The following VRK1 variants were observed in gnomAD, a reference collection of about 807,000 sequenced individuals.
VRK1 encodes the protein VRK serine/threonine kinase 1.
A neutral mutation model predicts 57.1 loss-of-function variants in VRK1; 33 were observed. The observed-to-expected ratio is 0.58, with a 90% CI of 0.44 to 0.77. VRK1 has a LOEUF of 0.77. Among genes scored for constraint, VRK1 ranks in the 30% least tolerant of loss-of-function variants. The pLI, the probability that VRK1 is intolerant of heterozygous loss-of-function variation, is 0.00. For missense variants in VRK1, 413 were observed against 477.3 expected (o/e 0.87, Z 1.25); for synonymous variants, 137 against 147.8 (o/e 0.93, Z 0.53).
intron 5 of VRK1, among the ~76,000 whole-genome samples, chr14:96,849,873 C>T (rs974138515): frequency 6.6e-6 from 1 of 152,096 alleles, no homozygotes; most frequent in African/African-American, 2.4e-5. Flanking sequence ...ACCAGTTAAA[C>T]AGGGCTTTTG....
At chr14:96,827,313 G>T (rs758243317) in intron 1 of VRK1, among the ~76,000 whole-genome samples, 5 of 152,090 alleles carry the variant, frequency 3.3e-5, no homozygotes, top group Non-Finnish European at 1.5e-5. Flanking sequence ...GTTAGATTTT[G>T]TCAGTAGAAG....
intron 11 of VRK1, among the ~76,000 whole-genome samples, chr14:96,873,200 C>T (rs748923747): frequency 6.6e-6 from 1 of 152,064 alleles, no homozygotes; most frequent in Non-Finnish European, 1.5e-5. Flanking sequence ...AAGAATTGGT[C>T]TTTGGTTTTT....
intron 1 of VRK1, among the ~76,000 whole-genome samples, chr14:96,818,841 A>G (rs921093467): frequency 6.6e-6 from 1 of 152,148 alleles, no homozygotes; most frequent in Non-Finnish European, 1.5e-5. Context: ...TTCTGTCTCA[A>G]TCATAGGATT....
intron 1 of VRK1, among the ~76,000 whole-genome samples, chr14:96,798,772 G>T (rs1308338141): frequency 6.6e-6 from 1 of 152,134 alleles, no homozygotes; most frequent in East Asian, 1.9e-4. Context: ...TCTTTATATA[G>T]TCATTTTATG....
At chr14:96,821,969 C>CA (rs1555358930) in intron 1 of VRK1, among the ~76,000 whole-genome samples, 3 of 142,916 alleles carry the variant, frequency 2.1e-5, no homozygotes, top group Admixed American at 7.0e-5. Flanking sequence ...GATTCTCTCA[C>CA]TTTTTTTTTT....
In VRK1 at chr14:96,837,794, G is replaced by A; in HGVS notation, c.193G>A (p.Asp65Asn). Residue 65 changes from aspartate to asparagine, a missense_variant, in exon 3 of 13, where the codon GAT becomes AAT. Coordinates refer to ENST00000216639, the MANE Select transcript of VRK1 (RefSeq NM_003384.3). Reference protein sequence around the residue: ...DMNSSESVGSDAPCVVKVEPS... With the variant: ...DMNSSESVGSNAPCVVKVEPS... ...GAATTCTTCAGAGTCAGTTGGCAGT[G>A]ATGCACCTTGTGTTGTAAAAGTGGT... The A allele has an allele frequency of 6.4e-7, 1 of 1,565,660 alleles. No homozygotes were observed.
intron 3 of VRK1, among the ~76,000 whole-genome samples, chr14:96,841,574 C>T (rs1169182368): frequency 6.6e-6 from 1 of 152,156 alleles, no homozygotes; most frequent in Non-Finnish European, 1.5e-5. Context: ...AACAATACTA[C>T]TGACCAGGCG....
intron 2 of VRK1, 107 bp from the exon 3 acceptor site, chr14:96,837,655 G>C: frequency 1.8e-6 from 1 of 544,604 alleles, no homozygotes; most frequent in Non-Finnish European, 2.9e-6. Context: ...ACACATACTT[G>C]GGAACTGAAG....
chr14:96,870,388 A>G (rs1398593487), intron 11 of VRK1, among the ~76,000 whole-genome samples: 1 of 152,188 alleles, frequency 6.6e-6, no homozygotes, highest in Non-Finnish European at 1.5e-5. Flanking sequence ...TTGTACTTGA[A>G]CCATCTTAAC....
intron 10 of VRK1, among the ~76,000 whole-genome samples, chr14:96,859,395 C>T (rs1249920957): frequency 6.6e-6 from 1 of 152,132 alleles, no homozygotes; most frequent in Admixed American, 6.5e-5. Flanking sequence ...GCTAAAAGTA[C>T]ACATAACTAT....
chr14:96,837,297 C>T (rs565553037), intron 2 of VRK1, among the ~76,000 whole-genome samples: 1 of 152,280 alleles, frequency 6.6e-6, no homozygotes, highest in South Asian at 2.1e-4. Flanking sequence ...ACATCCTGAA[C>T]TATTGGTTCA....
chr14:96,837,907 A>G, intron 3 of VRK1, 90 bp downstream of exon 3: 1 of 815,110 alleles, frequency 1.2e-6, no homozygotes, highest in Admixed American at 2.7e-5. Flanking sequence ...AGAATTAATT[A>G]AACCATAAGA....
chr14:96,825,531 C>T (rs538390160), intron 1 of VRK1, among the ~76,000 whole-genome samples: 1 of 152,276 alleles, frequency 6.6e-6, no homozygotes, highest in East Asian at 1.9e-4. Flanking sequence ...AGACATTTCT[C>T]ATATACGAGG....
intron 2 of VRK1, among the ~76,000 whole-genome samples, chr14:96,836,134 T>A (rs1327081166): frequency 6.6e-6 from 1 of 152,220 alleles, no homozygotes; most frequent in African/African-American, 2.4e-5. Context: ...AAAATTTTTT[T>A]AATATATTTT....
chr14:96,813,853 T>C (rs1886296609), intron 1 of VRK1, among the ~76,000 whole-genome samples: 1 of 152,200 alleles, frequency 6.6e-6, no homozygotes, highest in South Asian at 2.1e-4. Context: ...AATTACACTT[T>C]CCTTGCAACT....
chr14:96,853,039 A>G (rs1340260112), intron 6 of VRK1, 35 bp from the exon 7 acceptor site: 1 of 1,608,674 alleles, frequency 6.2e-7, no homozygotes, highest in Non-Finnish European at 8.5e-7. Context: ...GGTGTTAGGT[A>G]CTGCATTAAC....
Position 96,837,818 on chromosome 14 carries a change from G to C in VRK1, c.216+1G>C, listed in dbSNP as rs774518440. 3 of 1,546,506 alleles carry C rather than the reference G, an allele frequency of 1.9e-6. No homozygotes were observed. The highest frequency in any genetic ancestry group is 1.4e-5 in the African/African-American group (1 of 73,010). ...TGATGCACCTTGTGTTGTAAAAGTGGTAAGAAATATTTTAGCTAATTTGTT... is the reference window on the plus strand; with the variant it reads ...TGATGCACCTTGTGTTGTAAAAGTGCTAAGAAATATTTTAGCTAATTTGTT... On this transcript the variant is annotated splice_donor_variant, in intron 3 of 12. Transcript: ENST00000216639. LOFTEE classifies it high-confidence loss of function.
chr14:96,838,633 T>C (rs533729043), intron 3 of VRK1, among the ~76,000 whole-genome samples: 1 of 152,262 alleles, frequency 6.6e-6, no homozygotes, highest in East Asian at 1.9e-4. Flanking sequence ...GATGTACATA[T>C]GAAGGGGATG....
chr14:96,801,748 A>G (rs1170250822), intron 1 of VRK1, among the ~76,000 whole-genome samples: 9 of 152,240 alleles, frequency 5.9e-5, no homozygotes, highest in African/African-American at 2.2e-4. Flanking sequence ...AGCTAGAGAA[A>G]AGAAAATATT....
Sources: allele counts gnomAD v4.1 joint callset (sites outside exome capture counted in the v4.1 genomes callset), GRCh38; gene constraint gnomAD v4.1.1; transcripts MANE v1.5; gene names NCBI Gene and HGNC (gene_info 2026-07-23, HGNC 2026-07-21).